Variants in ASZ1 observed in about 807,000 individuals in gnomAD.
ASZ1 encodes ankyrin repeat, SAM and basic leucine zipper domain containing 1.
In ASZ1, 67 loss-of-function variants were observed where a neutral mutation model predicts 61.8. The observed-to-expected ratio is 1.08, with a 90% CI of 0.89 to 1.33. The LOEUF (loss-of-function observed/expected upper bound fraction) is 1.33. Among genes scored for constraint, ASZ1 ranks in the 40% most tolerant of loss-of-function variants. The probability of loss-of-function intolerance (pLI) is 0.00; values close to 1 mark genes in which losing one functional copy is unlikely to be tolerated. For synonymous variants in ASZ1, 193 were observed against 192.7 expected (o/e 1.00, Z -0.01); for missense variants, 577 against 554.5 (o/e 1.04, Z -0.41).
intron 4 of ASZ1, among the ~76,000 whole-genome samples, chr7:117,407,924 G>C (rs1348970987): frequency 2.0e-5 from 3 of 152,160 alleles, no homozygotes; most frequent in Non-Finnish European, 4.4e-5. Flanking sequence ...TGTGTATAGA[G>C]TCTTCGTCCA....
At chr7:117,387,867 G>T (rs1466799045) in intron 4 of ASZ1, among the ~76,000 whole-genome samples, 1 of 152,120 alleles carries the variant, frequency 6.6e-6, no homozygotes, top group African/African-American at 2.4e-5. Flanking sequence ...TTCTTATACA[G>T]ATCCTTATTA....
In ASZ1 at chr7:117,416,727, G is replaced by A. The variant is rs188283920; in HGVS notation, c.440+3436C>T. The stretch of plus-strand genomic sequence containing the variant: ...TGCATTTATCAAAACTGATCCAACT[G>A]TACACTGAAAATCTGAGTATTTTAA... On this transcript the variant is annotated intron_variant, in intron 4 of 12. Transcript: ENST00000284629. Among the ~76,000 whole-genome samples the A allele has an allele frequency of 4.6e-5, 7 of 152,210 alleles. No individual in the cohort carries two copies. In the East Asian group the frequency reaches 1.4e-3, roughly 29 times the overall value.
At chr7:117,363,936 TC>T (rs1420956023) in intron 12 of ASZ1, among the ~76,000 whole-genome samples, 188 bp from the exon 13 acceptor site, 2 of 152,178 alleles carry the variant, frequency 1.3e-5, no homozygotes, top group Non-Finnish European at 2.9e-5. Context: ...TTCATTAGAA[TC>T]CCATTACTGT....
chr7:117,407,452 T>C (rs1796807165), intron 4 of ASZ1, among the ~76,000 whole-genome samples: 1 of 151,672 alleles, frequency 6.6e-6, no homozygotes, highest in Non-Finnish European at 1.5e-5. Context: ...GCTTTATCCA[T>C]GGGGGATATG....
chr7:117,375,170 T>G (rs145544190), intron 10 of ASZ1, among the ~76,000 whole-genome samples: 4 of 152,090 alleles, frequency 2.6e-5, no homozygotes, highest in African/African-American at 9.6e-5. Flanking sequence ...GATTATAAAA[T>G]CTAGGTGAAA....
At position 117,384,762 on chromosome 7, in the gene ASZ1, C is replaced by A. The variant is rs755800452; in HGVS notation, c.651G>T (p.Met217Ile). ...NKMLQTKDGKMPSEIAKRNKH... is the reference protein window; with the variant it reads ...NKMLQTKDGKIPSEIAKRNKH... Reference sequence around the variant, plus strand: ...TGTTTCTTTTTGCAATCTCACTTGGCATCTTTCCATCTTTGGTTTGTAGCA... The same window carrying A: ...TGTTTCTTTTTGCAATCTCACTTGGAATCTTTCCATCTTTGGTTTGTAGCA... The change falls in exon 6 of 13, where the codon ATG becomes ATT. Residue 217 changes from methionine (M) to isoleucine (I), a missense_variant. Transcript: ENST00000284629. 6.2e-7 allele frequency: 1 copy of A among 1,612,408 alleles called. No individual in the cohort carries two copies. Among genetic ancestry groups the A allele is most frequent in the South Asian group, 1.1e-5 (1 of 90,958 alleles).
chr7:117,388,762 C>T (rs1300934467), intron 4 of ASZ1, among the ~76,000 whole-genome samples: 1 of 152,048 alleles, frequency 6.6e-6, no homozygotes, highest in African/African-American at 2.4e-5. Flanking sequence ...TTCTACCCAA[C>T]ATTGTATTGG....
intron 11 of ASZ1, 140 bp from the exon 12 acceptor site, chr7:117,367,605 AC>A (rs1388327445): frequency 8.7e-7 from 1 of 1,155,142 alleles, no homozygotes; most frequent in African/African-American, 1.6e-5. Flanking sequence ...AAATACTGAC[AC>A]CAAAAATAAG....
At position 117,379,943 on chromosome 7, in the gene ASZ1, T is replaced by A. The variant is rs1278927503; in HGVS notation, c.1050A>T (p.Glu350Asp). Residue 350 changes from glutamate to aspartate, a missense_variant, in exon 10 of 13, where the codon GAA becomes GAT. Physicochemically the swap from Glu to Asp is conservative, Grantham distance 45. Transcript: ENST00000284629. The stretch of plus-strand genomic sequence containing the variant: ...AACAAATAAGTTAATTTTACCTGAT[T>A]TCCAACTTTGTCTCTTCAGATAGCT... ...FGELSEETKL[E>D]ISGDEFLNFL... 1 of 1,576,644 alleles carries A rather than the reference T, an allele frequency of 6.3e-7. No homozygotes were observed. Among genetic ancestry groups the A allele is most frequent in the Non-Finnish European group, 8.7e-7 (1 of 1,150,076 alleles).
chr7:117,412,754 T>C (rs1796919185), intron 4 of ASZ1, among the ~76,000 whole-genome samples: 1 of 151,536 alleles, frequency 6.6e-6, no homozygotes, highest in South Asian at 2.1e-4. Flanking sequence ...GGTAGAAAAA[T>C]TACCTTCTAA....
rs539084454 is a variant in ASZ1, at chr7:117,420,133, T to C, written c.440+30A>G. ...ACCAAAGAAAAATTCTAATTTGACT[T>C]GAATTTTGAACAGATATAAAGGCTC... On this transcript the variant is annotated intron_variant, in intron 4 of 12. Transcript: ENST00000284629. 9.9e-5 allele frequency: 150 copies of C among 1,510,488 alleles called. 1 individual carries two copies. In the South Asian group the frequency reaches 1.5e-3, roughly 16 times the overall value. 93.6% of individuals were successfully genotyped at this position (1,510,488 alleles called of 1,614,324 possible).
At chr7:117,388,086 C>G (rs1206593030) in intron 4 of ASZ1, among the ~76,000 whole-genome samples, 1 of 152,114 alleles carries the variant, frequency 6.6e-6, no homozygotes, top group African/African-American at 2.4e-5. Flanking sequence ...AATACACAAG[C>G]TACCACAGCT....
chr7:117,363,739 C>A lies in ASZ1; in HGVS notation c.1285G>T (p.Glu429Ter). The change falls in exon 13 of 13, where the codon GAA (glutamate) becomes TAA (stop). Residue 429 changes from glutamate (E) to a stop codon, truncating the protein, a stop_gained. Transcript: ENST00000284629. LOFTEE classifies it high-confidence loss of function. ...ATATGAGTTGGATCATTTTCCCGTT[C>A]ATTTTGCAACTAATATTTAGTATGG... Reference protein sequence around the residue: ...LKDLIQKLQNERENDPTHIQL... With the variant: ...LKDLIQKLQN 2 of 1,569,352 alleles carry A rather than the reference C, an allele frequency of 1.3e-6. No individual in the cohort carries two copies. The highest frequency in any genetic ancestry group is 1.2e-5 in the South Asian group (1 of 82,662).
intron 4 of ASZ1, among the ~76,000 whole-genome samples, chr7:117,410,429 AT>A (rs1796868085): frequency 6.6e-6 from 1 of 151,652 alleles, no homozygotes; most frequent in Admixed American, 6.6e-5. Flanking sequence ...CTCAAAATAC[AT>A]TTTTGCTTAA....
intron 4 of ASZ1, among the ~76,000 whole-genome samples, chr7:117,412,471 A>G (rs1426202594): frequency 1.3e-5 from 2 of 151,932 alleles, no homozygotes; most frequent in Non-Finnish European, 2.9e-5. Flanking sequence ...TTACATTTTT[A>G]TCTACTAAAC....
At chr7:117,414,305 CA>C (rs1796948713) in intron 4 of ASZ1, among the ~76,000 whole-genome samples, 1 of 152,010 alleles carries the variant, frequency 6.6e-6, no homozygotes, top group East Asian at 1.9e-4. Flanking sequence ...GAAGAAGCTA[CA>C]AAATTTTTGC....
chr7:117,426,705 A>G (rs1797223829), intron 2 of ASZ1, 131 bp downstream of exon 2: 1 of 819,978 alleles, frequency 1.2e-6, no homozygotes, highest in Non-Finnish European at 1.9e-6. Flanking sequence ...CAGTCAACGA[A>G]GATTATGCAG....
chr7:117,369,365 T>C (rs750134115), intron 10 of ASZ1, among the ~76,000 whole-genome samples: 1 of 152,222 alleles, frequency 6.6e-6, no homozygotes, highest in Non-Finnish European at 1.5e-5. Flanking sequence ...TAACCATTTA[T>C]TAAAAGAACT....
chr7:117,379,341 C>A (rs1796207663), intron 10 of ASZ1, among the ~76,000 whole-genome samples: 1 of 151,116 alleles, frequency 6.6e-6, no homozygotes, highest in Non-Finnish European at 1.5e-5. Context: ...CCCTGTGTAT[C>A]TTTGAAATAT....
Sources: allele counts gnomAD v4.1 joint callset (sites outside exome capture counted in the v4.1 genomes callset), GRCh38; gene constraint gnomAD v4.1.1; transcripts MANE v1.5; gene names NCBI Gene and HGNC (gene_info 2026-07-23, HGNC 2026-07-21).